Variants in ULK4 observed in about 807,000 individuals in gnomAD.
The protein encoded by ULK4 is unc-51 like kinase 4.
A neutral mutation model predicts 160.6 loss-of-function variants in ULK4; 133 were observed. The ratio of observed to expected loss-of-function variants is 0.83; its 90% confidence interval spans 0.72 to 0.96. The LOEUF is 0.96. ULK4 is among the 40% of genes least tolerant of loss of function. The pLI is 0.00. For missense variants in ULK4, 1,580 were observed against 1,499.5 expected (o/e 1.05, Z -0.89); for synonymous variants, 534 against 539.8 (o/e 0.99, Z 0.15).
intron 32 of ULK4, among the ~76,000 whole-genome samples, chr3:41,551,492 C>T (rs2087064566): frequency 6.6e-6 from 1 of 151,834 alleles, no homozygotes; most frequent in African/African-American, 2.4e-5. Flanking sequence ...TTATGAGCAG[C>T]TATACACTAA....
chr3:41,748,377 C>T (rs578241977), intron 22 of ULK4, among the ~76,000 whole-genome samples: 1 of 151,594 alleles, frequency 6.6e-6, no homozygotes, highest in East Asian at 1.9e-4. Context: ...ACAAGAAGAA[C>T]ACCAAATGCA....
chr3:41,580,248 C>T (rs886279595), intron 31 of ULK4, among the ~76,000 whole-genome samples: 23 of 152,164 alleles, frequency 1.5e-4, no homozygotes, highest in African/African-American at 5.3e-4. Flanking sequence ...CTTTAGGAGA[C>T]GTCCCTGAGC....
chr3:41,784,132 T>C lies in ULK4; in HGVS notation c.2193+5529A>G, dbSNP rs905605824. On this transcript the variant is annotated intron_variant, in intron 21 of 36. Transcript: ENST00000301831. ...TCACATATAAAGTACCATCTGCCAA[T>C]AGTTCAAAAAGTTTCCTATTGGCCA... 2.0e-5 allele frequency among the ~76,000 whole-genome samples: 3 copies of C among 152,238 alleles called. No homozygotes were observed. In the East Asian group the frequency reaches 5.8e-4, roughly 29 times the overall value.
In ULK4 at chr3:41,781,380, G is replaced by A. The variant is rs182471207; in HGVS notation, c.2193+8281C>T. ...TGCAGTGAGCCAAGATCGCGCCACCGCACTCCAGCCTGGGCAACAGAGCGA... is the reference window on the plus strand; with the variant it reads ...TGCAGTGAGCCAAGATCGCGCCACCACACTCCAGCCTGGGCAACAGAGCGA... On this transcript the variant is annotated intron_variant, in intron 21 of 36. Transcript: ENST00000301831. Among the ~76,000 whole-genome samples, 814 of 147,760 alleles carry A rather than the reference G, an allele frequency of 5.5e-3. 8 individuals carry two copies. Among genetic ancestry groups the A allele is most frequent in the African/African-American group, 0.02 (782 of 39,824 alleles).
At chr3:41,551,574 A>T (rs372711220) in intron 32 of ULK4, among the ~76,000 whole-genome samples, 6 of 152,060 alleles carry the variant, frequency 3.9e-5, no homozygotes, top group East Asian at 1.9e-4. Context: ...ATCAGGAAAA[A>T]CAGAAAACCT....
At chr3:41,469,668 A>ACAAACAC (rs1559625931) in intron 32 of ULK4, among the ~76,000 whole-genome samples, 1 of 149,830 alleles carries the variant, frequency 6.7e-6, no homozygotes, top group Admixed American at 6.7e-5. Flanking sequence ...CCTCAACTGC[A>ACAAACAC]CAAACACCAA....
intron 29 of ULK4, among the ~76,000 whole-genome samples, chr3:41,666,112 A>G (rs2035343341): frequency 6.6e-6 from 1 of 152,156 alleles, no homozygotes; most frequent in Non-Finnish European, 1.5e-5. Context: ...CTTACTACCA[A>G]CCAGAGAAGC....
At chr3:41,369,905 GAAA>G (rs368423960) in intron 35 of ULK4, among the ~76,000 whole-genome samples, 2 of 144,566 alleles carry the variant, frequency 1.4e-5, no homozygotes, top group Admixed American at 1.4e-4. Flanking sequence ...CAGGAAAAAA[GAAA>G]AAAAAAATCT....
chr3:41,413,225 T>C (rs1490431504), intron 34 of ULK4, among the ~76,000 whole-genome samples: 1 of 152,194 alleles, frequency 6.6e-6, no homozygotes, highest in East Asian at 1.9e-4. Context: ...CCCCCATGAT[T>C]AAATTATTTC....
intron 17 of ULK4, among the ~76,000 whole-genome samples, chr3:41,876,393 C>T (rs1812370): frequency 6.6e-6 from 1 of 152,148 alleles, no homozygotes; most frequent in African/African-American, 2.4e-5. Context: ...CTGGTAAATA[C>T]TTATTTAACA....
chr3:41,857,870 A>G (rs1575838279), intron 17 of ULK4, among the ~76,000 whole-genome samples: 1 of 151,896 alleles, frequency 6.6e-6, no homozygotes, highest in Non-Finnish European at 1.5e-5. Flanking sequence ...GTCTGGCTAA[A>G]GTTTGTCATT....
chr3:41,729,074 C>G (rs547598848), intron 22 of ULK4, among the ~76,000 whole-genome samples: 2 of 152,262 alleles, frequency 1.3e-5, no homozygotes, highest in South Asian at 2.1e-4. Context: ...TCCATTTTGA[C>G]TAGAGTATCT....
intron 30 of ULK4, among the ~76,000 whole-genome samples, chr3:41,651,925 A>G (rs1487670434): frequency 2.0e-5 from 3 of 152,206 alleles, no homozygotes; most frequent in Non-Finnish European, 4.4e-5. Flanking sequence ...AGACATCACC[A>G]TGGAGAGCTC....
intron 21 of ULK4, among the ~76,000 whole-genome samples, chr3:41,783,825 A>G (rs962670151): frequency 3.3e-5 from 5 of 152,222 alleles, no homozygotes; most frequent in African/African-American, 1.2e-4. Flanking sequence ...TCTCCCCAAT[A>G]AACAGCAGGA....
intron 35 of ULK4, among the ~76,000 whole-genome samples, chr3:41,314,166 T>A (rs1343498067): frequency 6.6e-6 from 1 of 152,228 alleles, no homozygotes; most frequent in Non-Finnish European, 1.5e-5. Context: ...GTCAGCAAGA[T>A]AAATGTTATC....
chr3:41,410,362 C>G (rs1431778521), intron 34 of ULK4, among the ~76,000 whole-genome samples: 2 of 152,176 alleles, frequency 1.3e-5, no homozygotes, highest in Non-Finnish European at 2.9e-5. Context: ...GAATGAAGCA[C>G]TGATCCGTGC....
intron 17 of ULK4, among the ~76,000 whole-genome samples, chr3:41,839,685 T>C (rs1330906298): frequency 1.3e-5 from 2 of 151,646 alleles, no homozygotes; most frequent in Non-Finnish European, 2.9e-5. Context: ...ACACAGAAAG[T>C]CCCAAAGAGT....
intron 30 of ULK4, among the ~76,000 whole-genome samples, chr3:41,636,639 G>C (rs537919656): frequency 1.3e-5 from 2 of 151,632 alleles, no homozygotes; most frequent in South Asian, 2.1e-4. Flanking sequence ...AAGTTTTAGG[G>C]TACATGTGCA....
At chr3:41,793,143 A>G (rs897224955) in intron 20 of ULK4, among the ~76,000 whole-genome samples, 2 of 151,930 alleles carry the variant, frequency 1.3e-5, no homozygotes, top group African/African-American at 2.4e-5. Context: ...ACTGCATTCC[A>G]GCCTGGGCAA....
Sources: allele counts gnomAD v4.1 joint callset (sites outside exome capture counted in the v4.1 genomes callset), GRCh38; gene constraint gnomAD v4.1.1; transcripts MANE v1.5; gene names NCBI Gene and HGNC (gene_info 2026-07-23, HGNC 2026-07-21).